UBE2D3: variants seen among roughly 807,000 people sequenced by gnomAD.
The protein encoded by UBE2D3 is ubiquitin-conjugating enzyme E2 D3.
A neutral mutation model predicts 22.8 loss-of-function variants in UBE2D3; 2 were observed. The observed-to-expected ratio is 0.09, with a 90% CI of 0.04 to 0.28. UBE2D3 has a LOEUF of 0.28. UBE2D3 is among the 10% of genes least tolerant of loss of function. The pLI, the probability that UBE2D3 is intolerant of heterozygous loss-of-function variation, is 1.00. For missense variants in UBE2D3, 27 were observed against 182.5 expected (o/e 0.15, Z 4.91); for synonymous variants, 56 against 60.4 (o/e 0.93, Z 0.34).
At chr4:102,853,790 A>G (rs192965186) in intron 1 of UBE2D3, among the ~76,000 whole-genome samples, 16 of 152,314 alleles carry the variant, frequency 1.1e-4, no homozygotes, top group Admixed American at 3.3e-4. Flanking sequence ...TATCTATTCA[A>G]AAAGGAAAGA....
intron 4 of UBE2D3, among the ~76,000 whole-genome samples, chr4:102,806,190 A>G (rs1727007272): frequency 6.6e-6 from 1 of 152,126 alleles, no homozygotes; most frequent in Non-Finnish European, 1.5e-5. Context: ...GTGCCCATCT[A>G]GTTTCATCTT....
rs1421542737 is a variant in UBE2D3 at position 102,838,828 on chromosome 4, AAAAG to A, written c.-128-12196_-128-12193del. Among the ~76,000 whole-genome samples, 423 of 150,698 alleles carry A rather than the reference AAAAG, an allele frequency of 2.8e-3. 1 individual carries two copies. The highest frequency in any genetic ancestry group is 6.4e-3 in the Admixed American group (97 of 15,094). ...TGGGCAAAAAAAAAAAAAAAAAAAA[AAAAG>A]AGGAAAAGGAAAGGCAAATAGCTCT... On this transcript the variant is annotated intron_variant, in intron 1 of 7. Coordinates refer to the UBE2D3 transcript ENST00000338145.
chr4:102,825,579 A>C, intron 2 of UBE2D3: 2 of 1,203,486 alleles, frequency 1.7e-6, no homozygotes, highest in Non-Finnish European at 2.1e-6. Flanking sequence ...AGACTAAACC[A>C]CCGGAGGTGG....
In UBE2D3 at chr4:102,841,136, C is replaced by G. The variant is rs181939747; in HGVS notation, c.-128-14500G>C. On this transcript the variant is annotated intron_variant, in intron 1 of 7. Transcript: ENST00000338145. The stretch of plus-strand genomic sequence containing the variant: ...TTGTTTACCAATAAATTGGACAGAA[C>G]AGATGGAACTTTAGTGGATACAGGT... Among the ~76,000 whole-genome samples the G allele has an allele frequency of 2.0e-5, 3 of 152,082 alleles. No individual in the cohort carries two copies. The East Asian group carries it at 5.8e-4, about 29-fold the overall frequency.
At chr4:102,868,812 G>A (rs1733315725) in exon 1 of UBE2D3, 3 of 1,609,328 alleles carry the variant, frequency 1.9e-6, no homozygotes, top group African/African-American at 2.7e-5. Context: ...AGACGTTAAA[G>A]GCCCAAGAGG....
chr4:102,809,484 A>G, intron 4 of UBE2D3, 188 bp downstream of exon 4: 3 of 639,200 alleles, frequency 4.7e-6, no homozygotes, highest in South Asian at 2.1e-5. Flanking sequence ...ACACAGGGAT[A>G]GACACAAAGT....
chr4:102,834,603 G>C (rs1731291243), intron 1 of UBE2D3, among the ~76,000 whole-genome samples: 1 of 151,956 alleles, frequency 6.6e-6, no homozygotes, highest in African/African-American at 2.4e-5. Flanking sequence ...TAAAAAATCA[G>C]CATGGCGTGG....
At chr4:102,798,679 AG>A (rs1033559951) in intron 7 of UBE2D3, among the ~76,000 whole-genome samples, 4 of 151,772 alleles carry the variant, frequency 2.6e-5, no homozygotes, top group Non-Finnish European at 5.9e-5. Flanking sequence ...AAAAAAAAAA[AG>A]ATACTACATA....
chr4:102,840,031 A>G (rs1171778972), intron 1 of UBE2D3, among the ~76,000 whole-genome samples: 1 of 152,226 alleles, frequency 6.6e-6, no homozygotes, highest in Non-Finnish European at 1.5e-5. Context: ...AAAATGTGTA[A>G]TATCACTAAT....
At chr4:102,855,410 A>G (rs2067152083) in intron 1 of UBE2D3, among the ~76,000 whole-genome samples, 1 of 152,186 alleles carries the variant, frequency 6.6e-6, no homozygotes, top group Admixed American at 6.5e-5. Context: ...CAATACTTTT[A>G]ATAACTCAAT....
chr4:102,845,074 C>T lies in UBE2D3; in HGVS notation c.-128-18438G>A, dbSNP rs563935261. On this transcript the variant is annotated intron_variant, in intron 1 of 7. Transcript: ENST00000338145. ...CCCAGCCTGGCCAATATGACGAAAC[C>T]CCATCTCTACCAAAAACACAGAAAC... 2.0e-5 allele frequency among the ~76,000 whole-genome samples: 3 copies of T among 150,194 alleles called. No individual in the cohort carries two copies. In the East Asian group the frequency reaches 5.9e-4, roughly 29 times the overall value.
intron 1 of UBE2D3, chr4:102,826,986 G>T (rs926494517): frequency 2.0e-6 from 2 of 997,668 alleles, no homozygotes; most frequent in East Asian, 1.1e-4. Flanking sequence ...GAAAGGCAAG[G>T]GGGGAGGGGG....
intron 1 of UBE2D3, among the ~76,000 whole-genome samples, chr4:102,858,823 C>T (rs78606708): frequency 2.4e-4 from 36 of 152,006 alleles, no homozygotes; most frequent in African/African-American, 8.4e-4. Context: ...CTATCCTCTC[C>T]CACATTGTTA....
chr4:102,826,370 GA>G, intron 2 of UBE2D3, 114 bp downstream of exon 2: 1 of 1,310,956 alleles, frequency 7.6e-7, no homozygotes, highest in Non-Finnish European at 1.1e-6. Context: ...CCCCATGGAA[GA>G]AGTGATCCAA....
At chr4:102,809,145 C>A (rs1466970138) in intron 4 of UBE2D3, 2 of 323,882 alleles carry the variant, frequency 6.2e-6, no homozygotes, top group Non-Finnish European at 6.8e-6. Context: ...AATTATCCAG[C>A]ATATAGTTGC....
intron 2 of UBE2D3, chr4:102,810,614 G>A (rs1031918320): frequency 6.6e-6 from 1 of 151,894 alleles, no homozygotes; most frequent in East Asian, 1.9e-4. Flanking sequence ...TCCTGACCTC[G>A]TGATTGAAAT....
intron 1 of UBE2D3, among the ~76,000 whole-genome samples, chr4:102,857,851 G>A (rs191628547): frequency 7.8e-4 from 117 of 150,792 alleles, no homozygotes; most frequent in Middle Eastern, 3.4e-3. Context: ...GCACCACCAT[G>A]CCTGGCTAAT....
At position 102,821,574 on chromosome 4, in the gene UBE2D3, G is replaced by A. The variant is rs145193832; in HGVS notation, c.24+4911C>T. Among the ~76,000 whole-genome samples the A allele has an allele frequency of 3.3e-5, 5 of 151,172 alleles. No individual in the cohort carries two copies. The East Asian group carries it at 9.7e-4, about 29-fold the overall frequency. On this transcript the variant is annotated intron_variant, in intron 2 of 7. Transcript: ENST00000453744. ...AAAATTATGTGTTTCCAGGGAAAAT[G>A]ATTTAGTAAGTCTAAGACCCCCATG... is the stretch of plus-strand genomic sequence containing the variant.
At chr4:102,848,796 G>A (rs1342717681) in intron 1 of UBE2D3, among the ~76,000 whole-genome samples, 1 of 151,928 alleles carries the variant, frequency 6.6e-6, no homozygotes, top group East Asian at 1.9e-4. Flanking sequence ...TCCATTCTGG[G>A]CAATAGAGTG....
Sources: allele counts gnomAD v4.1 joint callset (sites outside exome capture counted in the v4.1 genomes callset), GRCh38; gene constraint gnomAD v4.1.1; transcripts MANE v1.5; gene names NCBI Gene and HGNC (gene_info 2026-07-23, HGNC 2026-07-21).